MAP4: variants seen among roughly 807,000 people sequenced by gnomAD.
MAP4 encodes microtubule-associated protein 4.
A neutral mutation model predicts 170.2 loss-of-function variants in MAP4; 76 were observed. The ratio of observed to expected loss-of-function variants is 0.45; its 90% CI spans 0.37 to 0.54. The LOEUF (loss-of-function observed/expected upper bound fraction) is 0.54. MAP4 is among the 20% of genes least tolerant of loss of function. The pLI, the probability that MAP4 is intolerant of heterozygous loss-of-function variation, is 0.00. For synonymous variants in MAP4, 909 were observed against 994.5 expected, an observed-to-expected ratio of 0.91 and a Z score of 1.62; for missense variants, 2,506 against 2,748.0, an observed-to-expected ratio of 0.91 and a Z score of 1.97.
At chr3:48,067,624 A>C (rs953168064) in intron 1 of MAP4, among the ~76,000 whole-genome samples, 1 of 143,216 alleles carries the variant, frequency 7.0e-6, no homozygotes, top group African/African-American at 2.7e-5. Flanking sequence ...AAAGTTAACA[A>C]GAGAAACCTT....
At chr3:48,005,810 T>G (rs377040419) in intron 1 of MAP4, among the ~76,000 whole-genome samples, 18 of 152,320 alleles carry the variant, frequency 1.2e-4, no homozygotes, top group African/African-American at 4.3e-4. Context: ...GCCCTGTAAT[T>G]GCTCTTCTCT....
At chr3:47,907,098 G>A (rs986499287) in intron 9 of MAP4, among the ~76,000 whole-genome samples, 1 of 152,152 alleles carries the variant, frequency 6.6e-6, no homozygotes, top group African/African-American at 2.4e-5. Context: ...GCCTCCCAAA[G>A]TGCTGGGATT....
At chr3:48,024,225 G>A (rs1273593995) in intron 1 of MAP4, among the ~76,000 whole-genome samples, 1 of 152,016 alleles carries the variant, frequency 6.6e-6, no homozygotes, top group South Asian at 2.1e-4. Context: ...CAGGAGAATC[G>A]CTTGAACCTG....
At chr3:48,073,566 G>A (rs952459334) in intron 1 of MAP4, among the ~76,000 whole-genome samples, 4 of 150,450 alleles carry the variant, frequency 2.7e-5, no homozygotes, top group Admixed American at 6.6e-5. Context: ...AGCCGAGATC[G>A]CTCCATTGCA....
chr3:47,988,585 G>T (rs1254368075), intron 2 of MAP4, among the ~76,000 whole-genome samples: 1 of 152,168 alleles, frequency 6.6e-6, no homozygotes, highest in Non-Finnish European at 1.5e-5. Flanking sequence ...GTCTAGGAAA[G>T]TGAAATATTT....
At chr3:48,023,767 A>G (rs909003462) in intron 1 of MAP4, among the ~76,000 whole-genome samples, 6 of 152,198 alleles carry the variant, frequency 3.9e-5, no homozygotes, top group African/African-American at 1.4e-4. Flanking sequence ...ATCATTTAAA[A>G]CTAAGCAAGC....
intron 16 of MAP4, among the ~76,000 whole-genome samples, chr3:47,868,461 T>C (rs760338398): frequency 6.6e-6 from 1 of 152,174 alleles, no homozygotes; most frequent in Non-Finnish European, 1.5e-5. Context: ...ACGGTGCAGC[T>C]TTCTTCACTG....
At chr3:48,025,803 G>C (rs975100861) in intron 1 of MAP4, among the ~76,000 whole-genome samples, 119 of 151,660 alleles carry the variant, frequency 7.8e-4, no homozygotes, top group Admixed American at 2.4e-3. Context: ...AGGAGGCTGA[G>C]GCAGGAGAAT....
At chr3:47,988,038 C>T (rs1226597620) in intron 2 of MAP4, among the ~76,000 whole-genome samples, 1 of 151,696 alleles carries the variant, frequency 6.6e-6, no homozygotes, top group South Asian at 2.1e-4. Context: ...ACTAAAAATA[C>T]AAAAAATTAG....
At chr3:48,032,697 A>G (rs2100116800) in intron 1 of MAP4, among the ~76,000 whole-genome samples, 2 of 152,106 alleles carry the variant, frequency 1.3e-5, no homozygotes, top group Non-Finnish European at 2.9e-5. Context: ...TTCTAGTAAT[A>G]ACCATTATTT....
intron 10 of MAP4, among the ~76,000 whole-genome samples, chr3:47,879,248 AAAC>A (rs2096200128): frequency 6.6e-6 from 1 of 152,218 alleles, no homozygotes; most frequent in East Asian, 1.9e-4. Flanking sequence ...GTGAAAAAAA[AAAC>A]AACAAAGCAT....
In MAP4 at chr3:47,903,527, C is replaced by T. The variant is rs181411672; in HGVS notation, c.5384-527G>A. Among the ~76,000 whole-genome samples the T allele has an allele frequency of 2.5e-3, 355 of 144,314 alleles. 3 individuals carry two copies. Among genetic ancestry groups the T allele is most frequent in the African/African-American group, 8.5e-3 (329 of 38,590 alleles). The allele number at this position is 144,314 out of a possible 152,430, so 94.7% of individuals were successfully genotyped here. ...TCGCCTTGGCGAAAGAGCGAGACTCCGTCTCAAAAAAAAAAAAAAAAAAAG... is the reference window on the plus strand; with the variant it reads ...TCGCCTTGGCGAAAGAGCGAGACTCTGTCTCAAAAAAAAAAAAAAAAAAAG... On this transcript the variant is annotated intron_variant, in intron 9 of 20. Coordinates refer to ENST00000683076, the MANE Select transcript of MAP4 (RefSeq NM_001385682.1).
intron 3 of MAP4, among the ~76,000 whole-genome samples, chr3:47,972,236 C>T (rs141296877): frequency 1.1e-4 from 17 of 152,276 alleles, no homozygotes; most frequent in East Asian, 3.9e-4. Context: ...TAGGGAACTG[C>T]GCATTTTGTT....
chr3:47,899,640 G>T (rs1323064300), intron 10 of MAP4, among the ~76,000 whole-genome samples: 1 of 152,212 alleles, frequency 6.6e-6, no homozygotes, highest in African/African-American at 2.4e-5. Flanking sequence ...TGGGTGCACT[G>T]CACAGTGCTT....
intron 3 of MAP4, among the ~76,000 whole-genome samples, chr3:47,966,009 G>A (rs1420127303): frequency 1.3e-5 from 2 of 151,918 alleles, no homozygotes; most frequent in Admixed American, 1.3e-4. Context: ...TAGCCTTGGT[G>A]CTTTGTTTAG....
intron 10 of MAP4, chr3:47,892,243 C>T: frequency 3.3e-6 from 5 of 1,536,390 alleles, no homozygotes; most frequent in Non-Finnish European, 4.4e-6. Flanking sequence ...CTTTGTCTAG[C>T]TTCCCCTCAA....
chr3:48,062,925 C>CAA (rs199523645), intron 1 of MAP4, among the ~76,000 whole-genome samples: 8 of 116,486 alleles, frequency 6.9e-5, no homozygotes, highest in African/African-American at 2.6e-4. Context: ...AACTCTGTCT[C>CAA]AAAAAAAAAA....
At chr3:47,981,046 TACTCA>T (rs1477713967) in intron 2 of MAP4, among the ~76,000 whole-genome samples, 13 of 152,288 alleles carry the variant, frequency 8.5e-5, no homozygotes, top group Middle Eastern at 6.8e-3. Context: ...AATTCTGCAA[TACTCA>T]ACTCAACAAT....
chr3:47,933,463 G>A (rs2100051020), intron 3 of MAP4, among the ~76,000 whole-genome samples: 1 of 151,578 alleles, frequency 6.6e-6, no homozygotes, highest in Admixed American at 6.6e-5. Flanking sequence ...TTTGAGACAG[G>A]GTCTCACTCT....
Sources: gnomAD v4.1 joint callset for allele counts (sites outside exome capture counted in the v4.1 genomes callset) on GRCh38, gnomAD v4.1.1 for gene constraint, MANE v1.5 for transcripts, NCBI Gene and HGNC (gene_info 2026-07-23, HGNC 2026-07-21) for gene names.